Variants in C11orf65 observed in about 807,000 individuals in gnomAD.
C11orf65 encodes the protein protein MFI.
In C11orf65, 38 loss-of-function variants were observed where a neutral mutation model predicts 35.3. The ratio of observed to expected loss-of-function variants is 1.08; its 90% confidence interval spans 0.83 to 1.41. The LOEUF is 1.41. Ranked by LOEUF, C11orf65 falls within the 40% of genes most tolerant of loss-of-function variation. The pLI, the probability that C11orf65 is intolerant of heterozygous loss-of-function variation, is 0.00. For synonymous variants in C11orf65, 105 were observed against 114.4 expected, an observed-to-expected ratio of 0.92 and a Z score of 0.53; for missense variants, 370 against 367.1, an observed-to-expected ratio of 1.01 and a Z score of -0.06.
intron 3 of C11orf65, among the ~76,000 whole-genome samples, chr11:108,423,921 C>T (rs933339681): frequency 2.0e-5 from 3 of 152,118 alleles, no homozygotes; most frequent in Non-Finnish European, 4.4e-5. Context: ...CATCAAAGAC[C>T]AAAGGTAGAG....
chr11:108,356,089 TGTTACAGTTTGCCATTG>T (rs2089888603), intron 2 of C11orf65: 1 of 152,248 alleles, frequency 6.6e-6, no homozygotes, highest in Non-Finnish European at 1.5e-5. Context: ...TGTTGTCATT[TGTTACAGTTTGCCATTG>T]GTTCTGCAGT....
rs551467375 is a variant in C11orf65, at chr11:108,461,526, G to A, written c.34C>T (p.Gln12Ter). 17 of 1,609,608 alleles carry A rather than the reference G, an allele frequency of 1.1e-5. No individual in the cohort carries two copies. The African/African-American group carries it at 1.5e-4, about 14-fold the overall frequency. Reference sequence around the variant, plus strand: ...TGAATGACTCTGGCAGCCTTATCCTGCTTTGTAAATTCTGATTCCTCTTTC... The same window carrying A: ...TGAATGACTCTGGCAGCCTTATCCTACTTTGTAAATTCTGATTCCTCTTTC... Reference protein sequence around the residue: ...PWKEESEFTKQDKAARVIQQA... With the variant: ...PWKEESEFTK The change falls in exon 2 of 9, where the codon CAG (glutamine) becomes TAG (stop). Residue 12 changes from glutamine to a stop codon, truncating the protein, a stop_gained. Coordinates refer to ENST00000393084, the MANE Select transcript of C11orf65 (RefSeq NM_152587.5). LOFTEE classifies it high-confidence loss of function.
chr11:108,438,350 G>C (rs1266548312), intron 2 of C11orf65, among the ~76,000 whole-genome samples: 1 of 151,896 alleles, frequency 6.6e-6, no homozygotes, highest in African/African-American at 2.4e-5. Context: ...TCAGGAGTTT[G>C]AGACCAGCCT....
chr11:108,443,096 T>C (rs953507792), intron 2 of C11orf65, among the ~76,000 whole-genome samples: 1 of 152,084 alleles, frequency 6.6e-6, no homozygotes, highest in African/African-American at 2.4e-5. Flanking sequence ...GAGACACACA[T>C]AGGCTCAAAA....
chr11:108,315,996 A>T lies in C11orf65; in HGVS notation c.641-6925T>A, dbSNP rs2136126146. On this transcript the variant is annotated intron_variant, in intron 6 of 6. Coordinates refer to the C11orf65 transcript ENST00000525729. ...GTGTAAAACCCAAAGCTATTTTCACAATCTTTTCTTATAGACTACGAACAT... is the reference window on the plus strand; with the variant it reads ...GTGTAAAACCCAAAGCTATTTTCACTATCTTTTCTTATAGACTACGAACAT... 6.2e-7 allele frequency: 1 copy of T among 1,613,548 alleles called. No homozygotes were observed. Among genetic ancestry groups the T allele is most frequent in the Non-Finnish European group, 8.5e-7 (1 of 1,179,468 alleles).
At chr11:108,467,978 A>G, upstream of C11orf65, among the ~76,000 whole-genome samples, 1 of 151,858 alleles carries the variant, frequency 6.6e-6, no homozygotes, top group East Asian at 1.9e-4. Context: ...GGAGTGCACC[A>G]CCACGCCAGG....
chr11:108,308,932 T>C, exon 7 of C11orf65: 1 of 1,238,530 alleles, frequency 8.1e-7, no homozygotes, highest in South Asian at 1.3e-5. Flanking sequence ...TTTCTTGGTG[T>C]TGGGAGGCAG....
rs2085651553 is a variant in C11orf65 at position 108,326,100 on chromosome 11, G to T, written c.641-17029C>A. On this transcript the variant is annotated intron_variant, in intron 6 of 6. Transcript: ENST00000525729. ...ATTTCAAATTAAACAGTACAATTCA[G>T]TTAGCTGTGGAGTCTCTGAGTGGCA... is the stretch of plus-strand genomic sequence containing the variant. The T allele has an allele frequency of 6.2e-7, 1 of 1,614,094 alleles. No homozygotes were observed.
At chr11:108,432,955 G>A (rs1374879844) in intron 2 of C11orf65, among the ~76,000 whole-genome samples, 1 of 152,092 alleles carries the variant, frequency 6.6e-6, no homozygotes, top group Non-Finnish European at 1.5e-5. Flanking sequence ...TCTTCCTGTG[G>A]GTTGACAGGG....
At chr11:108,422,513 C>G (rs1286391363) in intron 3 of C11orf65, among the ~76,000 whole-genome samples, 2 of 152,052 alleles carry the variant, frequency 1.3e-5, no homozygotes, top group Non-Finnish European at 2.9e-5. Flanking sequence ...AAAGGTGGCA[C>G]CGCAGAGCAG....
intron 6 of C11orf65, among the ~76,000 whole-genome samples, chr11:108,397,310 CTCTT>C (rs1220595682): frequency 7.0e-6 from 1 of 142,636 alleles, no homozygotes; most frequent in Non-Finnish European, 1.5e-5. Context: ...CAGAGCAAGA[CTCTT>C]TCTCAAAAAA....
intron 7 of C11orf65, among the ~76,000 whole-genome samples, chr11:108,389,622 C>T (rs1388073771): frequency 6.6e-6 from 1 of 152,124 alleles, no homozygotes; most frequent in Non-Finnish European, 1.5e-5. Flanking sequence ...CCATCCCACT[C>T]CTATATGCTA....
chr11:108,462,153 C>T (rs1266239756), intron 1 of C11orf65, among the ~76,000 whole-genome samples: 1 of 152,154 alleles, frequency 6.6e-6, no homozygotes, highest in African/African-American at 2.4e-5. Flanking sequence ...GATTGCTCCT[C>T]CTGCCTCACC....
intron 3 of C11orf65, among the ~76,000 whole-genome samples, chr11:108,413,102 G>A (rs188139896): frequency 2.0e-5 from 3 of 152,202 alleles, no homozygotes; most frequent in Admixed American, 2.0e-4. Flanking sequence ...ACACTTCTTC[G>A]AACAACAGAA....
chr11:108,438,320 G>A (rs1346847986), intron 2 of C11orf65, among the ~76,000 whole-genome samples: 1 of 152,106 alleles, frequency 6.6e-6, no homozygotes, highest in Non-Finnish European at 1.5e-5. Context: ...GGGAGGCCGA[G>A]ACGGGCAGAT....
chr11:108,357,137 C>T (rs977917464), intron 2 of C11orf65, among the ~76,000 whole-genome samples: 3 of 152,210 alleles, frequency 2.0e-5, no homozygotes, highest in East Asian at 3.8e-4. Context: ...ACTTGGGAAG[C>T]GCAAGGGTCA....
At chr11:108,444,975 A>C (rs1322447940) in intron 2 of C11orf65, among the ~76,000 whole-genome samples, 2 of 152,178 alleles carry the variant, frequency 1.3e-5, no homozygotes, top group African/African-American at 4.8e-5. Context: ...CATGGCTCGG[A>C]GGGTCCTACG....
chr11:108,312,815 A>G (rs995211043), intron 6 of C11orf65, among the ~76,000 whole-genome samples: 10 of 152,112 alleles, frequency 6.6e-5, no homozygotes, highest in African/African-American at 1.4e-4. Flanking sequence ...TTATAATTAT[A>G]TATTTATTTG....
At chr11:108,347,190 C>T (rs1464761819) in intron 2 of C11orf65, 1 of 1,005,812 alleles carries the variant, frequency 9.9e-7, no homozygotes, top group Non-Finnish European at 1.6e-6. Context: ...AAGATTATAC[C>T]AAGTCAGTGG....
Sources: gnomAD v4.1 joint callset for allele counts (sites outside exome capture counted in the v4.1 genomes callset) on GRCh38, gnomAD v4.1.1 for gene constraint, MANE v1.5 for transcripts, NCBI Gene and HGNC (gene_info 2026-07-23, HGNC 2026-07-21) for gene names.